The following LRRC8D variants were observed in gnomAD, a reference collection of about 807,000 sequenced individuals.
LRRC8D encodes leucine rich repeat containing 8 VRAC subunit D.
LRRC8D carries 20 observed loss-of-function variants against 55.8 expected under a neutral mutation model. That is an observed-to-expected ratio of 0.36 (90% CI 0.25 to 0.52). The LOEUF (loss-of-function observed/expected upper bound fraction) is 0.52. Ranked by LOEUF, LRRC8D falls within the 20% of genes least tolerant of loss-of-function variation. The probability of loss-of-function intolerance (pLI) is 0.93; values close to 1 mark genes in which losing one functional copy is unlikely to be tolerated. For missense variants in LRRC8D, 651 were observed against 1,030.8 expected (o/e 0.63, Z 5.05); for synonymous variants, 352 against 377.0 (o/e 0.93, Z 0.77).
intron 2 of LRRC8D, among the ~76,000 whole-genome samples, chr1:89,930,563 A>G (rs936665335): frequency 1.4e-4 from 21 of 152,274 alleles, no homozygotes; most frequent in South Asian, 6.2e-4. Context: ...GACTCTTTTT[A>G]AAAAGTAAAG....
chr1:89,928,142 G>T (rs760015833), intron 2 of LRRC8D, among the ~76,000 whole-genome samples: 1 of 152,052 alleles, frequency 6.6e-6, no homozygotes, highest in African/African-American at 2.4e-5. Flanking sequence ...TGATCTCGCC[G>T]CACTGCAACC....
intron 2 of LRRC8D, among the ~76,000 whole-genome samples, chr1:89,920,638 A>G (rs1390770958): frequency 2.0e-5 from 3 of 151,480 alleles, no homozygotes; most frequent in Non-Finnish European, 4.4e-5. Flanking sequence ...TATATTGTAT[A>G]CTTGTAATAC....
At chr1:89,919,096 G>T (rs1295349356) in intron 2 of LRRC8D, among the ~76,000 whole-genome samples, 1 of 152,228 alleles carries the variant, frequency 6.6e-6, no homozygotes, top group African/African-American at 2.4e-5. Context: ...AGCAGCCATT[G>T]TCTGACTTTG....
At chr1:89,931,003 A>AT (rs56714673) in intron 2 of LRRC8D, among the ~76,000 whole-genome samples, 4,169 of 120,866 alleles carry the variant, frequency 0.034, 116 homozygotes, top group East Asian at 0.13. Flanking sequence ...TTCCTTGGTA[A>AT]TTTTTTTTTT....
At chr1:89,881,040 T>A (rs962919285) in intron 2 of LRRC8D, among the ~76,000 whole-genome samples, 1 of 152,196 alleles carries the variant, frequency 6.6e-6, no homozygotes, top group Non-Finnish European at 1.5e-5. Context: ...TTGATGGCAC[T>A]CCATTTCCTA....
At chr1:89,851,408 C>CGTG (rs1661413821) in intron 2 of LRRC8D, among the ~76,000 whole-genome samples, 1 of 152,162 alleles carries the variant, frequency 6.6e-6, no homozygotes, top group Non-Finnish European at 1.5e-5. Flanking sequence ...TATTCTTCCC[C>CGTG]GTCTGCAATT....
chr1:89,858,508 T>G lies in LRRC8D; in HGVS notation c.-3+14726T>G, dbSNP rs556675355. Among the ~76,000 whole-genome samples, 25 of 152,312 alleles carry G rather than the reference T, an allele frequency of 1.6e-4. No homozygotes were observed. In the South Asian group the frequency reaches 3.9e-3, roughly 24 times the overall value. On this transcript the variant is annotated intron_variant, in intron 2 of 2. Transcript: ENST00000337338. ...GGTTTACATATAAACCAAACCCCAA[T>G]TAAGGTTTAAGAAAGTGGCATGACT...
chr1:89,922,181 A>G (rs2100974379), intron 2 of LRRC8D, among the ~76,000 whole-genome samples: 1 of 152,130 alleles, frequency 6.6e-6, no homozygotes, highest in Non-Finnish European at 1.5e-5. Context: ...CTCGTGCTTC[A>G]GCCTCCCAAG....
chr1:89,890,958 T>C (rs1407534041), intron 2 of LRRC8D, among the ~76,000 whole-genome samples: 2 of 152,204 alleles, frequency 1.3e-5, no homozygotes, highest in Non-Finnish European at 2.9e-5. Context: ...TTCGGCACAC[T>C]GCAAGCTCCG....
At chr1:89,829,697 G>A (rs1213120957) in intron 1 of LRRC8D, among the ~76,000 whole-genome samples, 10 of 152,220 alleles carry the variant, frequency 6.6e-5, no homozygotes, top group Non-Finnish European at 1.5e-5. Context: ...CGGCATCCCG[G>A]CATTTAGGCT....
At chr1:89,891,650 G>A (rs1437235363) in intron 2 of LRRC8D, among the ~76,000 whole-genome samples, 1 of 152,162 alleles carries the variant, frequency 6.6e-6, no homozygotes. Flanking sequence ...TTAAGAAAGA[G>A]CTGTCAAGGT....
chr1:89,822,849 T>C (rs1395117115), intron 1 of LRRC8D, among the ~76,000 whole-genome samples: 1 of 151,994 alleles, frequency 6.6e-6, no homozygotes, highest in African/African-American at 2.4e-5. Context: ...TAGGCGAGAG[T>C]TGGGGTTCTT....
In LRRC8D at chr1:89,934,166, C is replaced by T. The variant is rs1479497744; in HGVS notation, c.1098C>T (p.Leu366=). The change falls in exon 3 of 3, where the codon CTC becomes CTT. Residue 366 remains leucine (L), a synonymous_variant. Coordinates refer to ENST00000337338, the MANE Select transcript of LRRC8D (RefSeq NM_001134479.2). This position sits in a 1 kb window ranked among gnomAD's most constrained non-coding sequence, Gnocchi z 5.9. ...TGGCTTACATGTTGAAAAAGCTTCTCATCAGTTACATATCCATTATTTGTG... is the reference window on the plus strand; with the variant it reads ...TGGCTTACATGTTGAAAAAGCTTCTTATCAGTTACATATCCATTATTTGTG... ...HNMAYMLKKL[L]ISYISIICVY... The T allele has an allele frequency of 2.5e-6, 4 of 1,614,116 alleles. No individual in the cohort carries two copies. Among genetic ancestry groups the T allele is most frequent in the East Asian group, 2.2e-5 (1 of 44,882 alleles).
Position 89,887,563 on chromosome 1 carries a change from A to G in LRRC8D, c.-3+43781A>G, listed in dbSNP as rs115800760. 9.6e-3 allele frequency among the ~76,000 whole-genome samples: 1,461 copies of G among 152,338 alleles called. 22 individuals are homozygous for G. The highest frequency in any genetic ancestry group is 0.034 in the African/African-American group (1,418 of 41,572). On this transcript the variant is annotated intron_variant, in intron 2 of 2. Coordinates refer to ENST00000337338, the MANE Select transcript of LRRC8D (RefSeq NM_001134479.2). ...TTTCAACCTATGAAAACACTGAAGT[A>G]TCTCATAGATGCAGTAACTAAACTA...
intron 2 of LRRC8D, among the ~76,000 whole-genome samples, chr1:89,845,777 C>CT (rs146264330): frequency 0.036 from 5,290 of 146,418 alleles, 91 homozygotes; most frequent in Middle Eastern, 0.058. Flanking sequence ...TTTGCAGCTA[C>CT]TTTTTTTTTT....
intron 2 of LRRC8D, among the ~76,000 whole-genome samples, chr1:89,846,902 G>A (rs1418686534): frequency 2.0e-5 from 3 of 151,654 alleles, no homozygotes; most frequent in African/African-American, 7.3e-5. Flanking sequence ...TTACTCCTAG[G>A]GCAGTTTATA....
chr1:89,887,815 G>A (rs190757317), intron 2 of LRRC8D, among the ~76,000 whole-genome samples: 1 of 152,256 alleles, frequency 6.6e-6, no homozygotes. Flanking sequence ...CTATGGCATG[G>A]CATTCTTCTT....
At chr1:89,862,954 T>C (rs890653934) in intron 2 of LRRC8D, among the ~76,000 whole-genome samples, 3 of 152,246 alleles carry the variant, frequency 2.0e-5, no homozygotes, top group Admixed American at 2.0e-4. Context: ...GGTTTGCTGT[T>C]TCAAAATAAA....
chr1:89,822,039 C>T (rs1173656663), intron 1 of LRRC8D: 1 of 152,536 alleles, frequency 6.6e-6, no homozygotes. Flanking sequence ...AGGACCAGCA[C>T]CTCCAGTTAC....
Sources: gnomAD v4.1 joint callset for allele counts (sites outside exome capture counted in the v4.1 genomes callset) on GRCh38, gnomAD v4.1.1 for gene constraint, Gnocchi (gnomAD v3.1) non-coding constraint, MANE v1.5 for transcripts, NCBI Gene and HGNC (gene_info 2026-07-23, HGNC 2026-07-21) for gene names.